NCALD: variants seen among roughly 807,000 people sequenced by gnomAD.
NCALD encodes the protein neurocalcin-delta.
Under a neutral mutation model 18.6 loss-of-function variants are expected in NCALD, and 10 were observed. The observed-to-expected ratio is 0.54, with a 90% CI of 0.33 to 0.91. The LOEUF (loss-of-function observed/expected upper bound fraction) is 0.91. Among genes scored for constraint, NCALD ranks in the 40% least tolerant of loss-of-function variants. The pLI is 0.03. For missense variants in NCALD, 184 were observed against 247.6 expected (o/e 0.74, Z 1.72); for synonymous variants, 88 against 87.4 (o/e 1.01, Z -0.04).
chr8:102,122,981 G>A (rs781073392), intron 1 of NCALD, among the ~76,000 whole-genome samples: 3 of 152,102 alleles, frequency 2.0e-5, no homozygotes, highest in African/African-American at 4.8e-5. Context: ...TCCTTGCCCC[G>A]CTACCGCAAG....
chr8:101,977,966 G>A (rs866440039), intron 2 of NCALD, among the ~76,000 whole-genome samples: 1 of 151,950 alleles, frequency 6.6e-6, no homozygotes, highest in Non-Finnish European at 1.5e-5. Context: ...AAGCCCAGGG[G>A]CTTTGTCTCC....
intron 2 of NCALD, among the ~76,000 whole-genome samples, chr8:101,959,175 G>A (rs1819746054): frequency 6.6e-6 from 1 of 151,984 alleles, no homozygotes; most frequent in African/African-American, 2.4e-5. Flanking sequence ...ACAGATTCTT[G>A]TCCTTGACAT....
rs765880036 is a variant in NCALD at position 101,692,781 on chromosome 8, C to T, written c.484+10G>A. On this transcript the variant is annotated intron_variant, in intron 3 of 3. Coordinates refer to ENST00000220931, the MANE Select transcript of NCALD (RefSeq NM_032041.3). ...CATCTGAGCAAAGCAGTGTAGCCCC[C>T]GCCTCCTACCGTCTCTATTGGTGTC... is the stretch of plus-strand genomic sequence containing the variant. 29 of 1,606,106 alleles carry T rather than the reference C, an allele frequency of 1.8e-5. No individual in the cohort carries two copies. Among genetic ancestry groups the T allele is most frequent in the South Asian group, 8.8e-5 (8 of 90,904 alleles).
intron 4 of NCALD, among the ~76,000 whole-genome samples, chr8:101,799,437 G>A (rs1238185125): frequency 6.6e-6 from 1 of 152,186 alleles, no homozygotes; most frequent in Non-Finnish European, 1.5e-5. Flanking sequence ...ACATTCCAGA[G>A]AAACGAAGAC....
At chr8:102,075,416 G>A (rs2132310387) in intron 1 of NCALD, among the ~76,000 whole-genome samples, 1 of 152,274 alleles carries the variant, frequency 6.6e-6, no homozygotes, top group African/African-American at 2.4e-5. Context: ...TGGGACAATA[G>A]TGGTACCAAG....
intron 2 of NCALD, among the ~76,000 whole-genome samples, chr8:102,009,058 T>G (rs767116634): frequency 3.3e-5 from 5 of 152,122 alleles, no homozygotes; most frequent in Non-Finnish European, 5.9e-5. Flanking sequence ...GGGTAATTTT[T>G]AAAAAATATC....
intron 2 of NCALD, among the ~76,000 whole-genome samples, chr8:101,706,229 T>C (rs76666175): frequency 0.026 from 3,921 of 152,008 alleles, 133 homozygotes; most frequent in African/African-American, 0.078. Context: ...ATTTAATAGC[T>C]CTGGTGACTG....
At chr8:102,054,044 T>A (rs1823545481) in intron 1 of NCALD, among the ~76,000 whole-genome samples, 1 of 152,200 alleles carries the variant, frequency 6.6e-6, no homozygotes, top group African/African-American at 2.4e-5. Flanking sequence ...CAATGGTGAT[T>A]TTCCTCACTG....
At chr8:101,723,223 T>C (rs1816438730) in intron 1 of NCALD, among the ~76,000 whole-genome samples, 1 of 152,210 alleles carries the variant, frequency 6.6e-6, no homozygotes, top group African/African-American at 2.4e-5. Flanking sequence ...TTTGTGCTAG[T>C]TGAACATAGG....
chr8:101,940,788 A>C (rs1303583373), intron 2 of NCALD, among the ~76,000 whole-genome samples: 1 of 152,234 alleles, frequency 6.6e-6, no homozygotes, highest in East Asian at 1.9e-4. Context: ...AAAAAACAGA[A>C]TAAAAATGAG....
chr8:102,064,080 A>T (rs1260659740), intron 1 of NCALD, among the ~76,000 whole-genome samples: 1 of 152,250 alleles, frequency 6.6e-6, no homozygotes, highest in Admixed American at 6.5e-5. Context: ...ATGTTCCAAC[A>T]TGAATTTCTA....
At chr8:102,035,918 G>A (rs535288430) in intron 1 of NCALD, among the ~76,000 whole-genome samples, 15 of 152,010 alleles carry the variant, frequency 9.9e-5, no homozygotes, top group African/African-American at 2.9e-4. Context: ...TTATATTGTC[G>A]CTATAGAAAC....
At chr8:102,068,213 G>A (rs1341218313) in intron 1 of NCALD, among the ~76,000 whole-genome samples, 1 of 152,182 alleles carries the variant, frequency 6.6e-6, no homozygotes, top group Non-Finnish European at 1.5e-5. Flanking sequence ...CACCAGACCA[G>A]GAGTGATCAG....
At chr8:102,011,055 C>T (rs1251829812) in intron 2 of NCALD, among the ~76,000 whole-genome samples, 1 of 152,150 alleles carries the variant, frequency 6.6e-6, no homozygotes. Context: ...AAGACAGACC[C>T]ACAGGAAACA....
At chr8:101,729,839 T>G (rs1816737133) in intron 1 of NCALD, among the ~76,000 whole-genome samples, 1 of 152,154 alleles carries the variant, frequency 6.6e-6, no homozygotes, top group African/African-American at 2.4e-5. Context: ...TTATTTTTCA[T>G]AAAGTGCAAC....
intron 4 of NCALD, among the ~76,000 whole-genome samples, chr8:101,844,125 TA>T: frequency 6.6e-6 from 1 of 152,282 alleles, no homozygotes; most frequent in East Asian, 1.9e-4. Context: ...TGTGGCTTCC[TA>T]AAGCCCTGGG....
rs551410035 is a variant in NCALD at position 101,905,275 on chromosome 8, T to G, written c.-107+10534A>C. Among the ~76,000 whole-genome samples, 230 of 143,982 alleles carry G rather than the reference T, an allele frequency of 1.6e-3. 1 individual carries two copies. Among genetic ancestry groups the G allele is most frequent in the African/African-American group, 5.3e-3 (196 of 36,900 alleles). The allele number at this position is 143,982 out of a possible 152,430, so 94.5% of individuals were successfully genotyped here. A position where few individuals can be genotyped will look rare whatever the true frequency, so the allele number is the denominator to read the frequency against. ...ATTTCTAGCACCAATCTCTCTCCTC[T>G]CCTCTCTCTCTCTCTCTCTCTCTCT... On this transcript the variant is annotated intron_variant, in intron 3 of 6. Transcript: ENST00000311028.
Position 101,689,485 on chromosome 8 carries a change from G to T in NCALD, c.485-79C>A. On this transcript the variant is annotated intron_variant, in intron 3 of 3. Coordinates refer to ENST00000220931, the MANE Select transcript of NCALD (RefSeq NM_032041.3). The surrounding 1 kb of genome is among the most constrained non-coding windows in gnomAD (Gnocchi z 4.4). ...CACCCTTCCCACTACTGCGTGCTGG[G>T]CAGTGTCGATTCACCTGCCTGCAGC... 1 of 1,149,300 alleles carries T rather than the reference G, an allele frequency of 8.7e-7. No individual in the cohort carries two copies. The highest frequency in any genetic ancestry group is 1.3e-6 in the Non-Finnish European group (1 of 791,196). 71.2% of individuals were successfully genotyped at this position (1,149,300 alleles called of 1,614,324 possible). A position where few individuals can be genotyped will look rare whatever the true frequency, so the allele number is the denominator to read the frequency against.
intron 2 of NCALD, among the ~76,000 whole-genome samples, chr8:101,982,188 A>C (rs757417603): frequency 3.3e-5 from 5 of 151,970 alleles, no homozygotes; most frequent in African/African-American, 4.8e-5. Context: ...AGTCAAATAA[A>C]CCTCTTTTCT....
Sources: gnomAD v4.1 joint callset for allele counts (sites outside exome capture counted in the v4.1 genomes callset) on GRCh38, gnomAD v4.1.1 for gene constraint, Gnocchi (gnomAD v3.1) non-coding constraint, MANE v1.5 for transcripts, NCBI Gene and HGNC (gene_info 2026-07-23, HGNC 2026-07-21) for gene names.